The following DLC1 variants were observed in gnomAD, a reference collection of about 807,000 sequenced individuals.
The protein encoded by DLC1 is DLC1 Rho GTPase activating protein, also known as rho GTPase-activating protein 7.
In DLC1, 54 loss-of-function variants were observed where a neutral mutation model predicts 140.3. That is an observed-to-expected ratio of 0.38 (90% CI 0.31 to 0.48). DLC1 has a LOEUF of 0.48. Ranked by LOEUF, DLC1 falls within the 20% of genes least tolerant of loss-of-function variation. DLC1 has a pLI of 0.96. For missense variants in DLC1, 2,536 were observed against 1,907.0 expected, an observed-to-expected ratio of 1.33 and a Z score of -6.14; for synonymous variants, 986 against 728.1, an observed-to-expected ratio of 1.35 and a Z score of -5.70.
At chr8:13,424,575 A>AT (rs201853855) in intron 2 of DLC1, among the ~76,000 whole-genome samples, 17 of 151,026 alleles carry the variant, frequency 1.1e-4, no homozygotes, top group South Asian at 6.3e-4. Context: ...AAAATTTGTA[A>AT]TTTTTTTTTC....
chr8:13,146,867 G>C (rs377609265), intron 5 of DLC1, among the ~76,000 whole-genome samples: 4 of 152,294 alleles, frequency 2.6e-5, no homozygotes, highest in African/African-American at 9.6e-5. Context: ...CCCGAATAGA[G>C]CTCTGTTTCT....
At chr8:13,107,177 C>G (rs1460280542) in intron 7 of DLC1, among the ~76,000 whole-genome samples, 2 of 152,208 alleles carry the variant, frequency 1.3e-5, no homozygotes, top group African/African-American at 2.4e-5. Flanking sequence ...TAGTCCCACA[C>G]TTGTAACTTT....
intron 3 of DLC1, among the ~76,000 whole-genome samples, chr8:13,399,428 T>C (rs892872895): frequency 1.3e-5 from 2 of 152,166 alleles, no homozygotes; most frequent in South Asian, 2.1e-4. Flanking sequence ...ACAGGTAAAT[T>C]ACTCATCCTC....
rs541744949 is a variant in DLC1 at position 13,330,589 on chromosome 8, C to T, written c.1315-25287G>A. Reference sequence around the variant, plus strand: ...ATTCAAACCAGTCACTAGCTACCTTCCTCTACGTCTTCTTTGCTAATCAAG... The same window carrying T: ...ATTCAAACCAGTCACTAGCTACCTTTCTCTACGTCTTCTTTGCTAATCAAG... On this transcript the variant is annotated intron_variant, in intron 4 of 17. Coordinates refer to ENST00000276297, the MANE Select transcript of DLC1 (RefSeq NM_182643.3). Among the ~76,000 whole-genome samples, 15 of 152,272 alleles carry T rather than the reference C, an allele frequency of 9.9e-5. No homozygotes were observed. In the South Asian group the frequency reaches 2.9e-3, roughly 29 times the overall value.
At chr8:13,590,242 G>T (rs1164156479) in intron 1 of DLC1, among the ~76,000 whole-genome samples, 1 of 151,668 alleles carries the variant, frequency 6.6e-6, no homozygotes, top group Non-Finnish European at 1.5e-5. Flanking sequence ...CAACATTCTG[G>T]TGATTTCCCA....
At chr8:13,534,667 C>T (rs1389870645) in intron 1 of DLC1, among the ~76,000 whole-genome samples, 2 of 152,150 alleles carry the variant, frequency 1.3e-5, no homozygotes, top group South Asian at 2.1e-4. Context: ...GAAAATTCAC[C>T]GGGTGCTGTT....
intron 4 of DLC1, among the ~76,000 whole-genome samples, chr8:13,356,955 C>T (rs73203980): frequency 0.13 from 19,765 of 151,876 alleles, 1,423 homozygotes; most frequent in South Asian, 0.16. Flanking sequence ...TTTACAAGTA[C>T]GAGTTCAGAG....
chr8:13,402,531 T>C (rs12679138), intron 2 of DLC1, among the ~76,000 whole-genome samples: 57,354 of 152,040 alleles, frequency 0.38, 12,495 homozygotes, highest in Non-Finnish European at 0.49. Flanking sequence ...ACATGCAGTG[T>C]TGGCTCTTTT....
intron 4 of DLC1, among the ~76,000 whole-genome samples, chr8:13,378,045 A>G (rs1415830555): frequency 1.3e-5 from 2 of 150,388 alleles, no homozygotes; most frequent in African/African-American, 2.4e-5. Flanking sequence ...TTTAATTAGC[A>G]CTGATCTTTT....
intron 1 of DLC1, among the ~76,000 whole-genome samples, chr8:13,552,925 A>G (rs566477464): frequency 6.6e-6 from 1 of 151,916 alleles, no homozygotes; most frequent in South Asian, 2.1e-4. Flanking sequence ...TATTTGGTAC[A>G]TTAGAAGAAA....
At chr8:13,110,113 G>A (rs1685510242) in intron 7 of DLC1, among the ~76,000 whole-genome samples, 1 of 151,816 alleles carries the variant, frequency 6.6e-6, no homozygotes. Flanking sequence ...AGGATTATCA[G>A]TGTCCCATCA....
intron 7 of DLC1, among the ~76,000 whole-genome samples, chr8:13,103,154 CA>C (rs997304999): frequency 6.6e-6 from 1 of 151,444 alleles, no homozygotes; most frequent in Admixed American, 6.6e-5. Context: ...ACTAAAAATA[CA>C]AAAAAACAAG....
At chr8:13,121,309 T>G (rs1332314818) in intron 5 of DLC1, among the ~76,000 whole-genome samples, 1 of 152,170 alleles carries the variant, frequency 6.6e-6, no homozygotes, top group Non-Finnish European at 1.5e-5. Flanking sequence ...CAAAGATTCC[T>G]TCAAATGGGA....
intron 4 of DLC1, chr8:13,341,035 T>G (rs756330423): frequency 1.3e-5 from 2 of 152,144 alleles, no homozygotes; most frequent in African/African-American, 4.8e-5. Context: ...TTGAGACTCA[T>G]GGTGGGGAGA....
chr8:13,215,251 T>A (rs1828140307), intron 5 of DLC1, among the ~76,000 whole-genome samples: 1 of 152,200 alleles, frequency 6.6e-6, no homozygotes, highest in Non-Finnish European at 1.5e-5. Flanking sequence ...TAAAAGTAGT[T>A]ATCTGCCTAG....
At chr8:13,587,044 C>CCTATAAAACA (rs1309097716) in intron 1 of DLC1, among the ~76,000 whole-genome samples, 1 of 149,246 alleles carries the variant, frequency 6.7e-6, no homozygotes, top group Non-Finnish European at 1.5e-5. Context: ...AGTGATTCCA[C>CCTATAAAACA]CTATAAAACA....
chr8:13,244,046 C>A (rs2013861), intron 5 of DLC1, among the ~76,000 whole-genome samples: 25,788 of 152,118 alleles, frequency 0.17, 2,278 homozygotes, highest in African/African-American at 0.22. Flanking sequence ...AAGGTAGGAA[C>A]CTGGTGTGAA....
At chr8:13,309,107 G>A (rs1406897112) in intron 4 of DLC1, among the ~76,000 whole-genome samples, 2 of 152,164 alleles carry the variant, frequency 1.3e-5, no homozygotes, top group Non-Finnish European at 2.9e-5. Flanking sequence ...GAATCCATTA[G>A]GGGCTTTTGC....
chr8:13,236,575 G>A (rs1829293113), intron 5 of DLC1, among the ~76,000 whole-genome samples: 1 of 152,000 alleles, frequency 6.6e-6, no homozygotes, highest in Non-Finnish European at 1.5e-5. Flanking sequence ...TGATTGTATT[G>A]AACCACAGAT....
Sources: allele counts gnomAD v4.1 joint callset (sites outside exome capture counted in the v4.1 genomes callset), GRCh38; gene constraint gnomAD v4.1.1; transcripts MANE v1.5; gene names NCBI Gene and HGNC (gene_info 2026-07-23, HGNC 2026-07-21).